Variants in RBFOX1 observed in about 807,000 individuals in gnomAD.
RBFOX1 encodes the protein RNA binding protein fox-1 homolog 1.
A neutral mutation model predicts 57.7 loss-of-function variants in RBFOX1; 8 were observed. The ratio of observed to expected loss-of-function variants is 0.14; its 90% CI spans 0.08 to 0.25. The LOEUF is 0.25. RBFOX1 is among the 10% of genes least tolerant of loss of function. The pLI, the probability that RBFOX1 is intolerant of heterozygous loss-of-function variation, is 1.00. For missense variants in RBFOX1, 611 were observed against 548.5 expected (o/e 1.11, Z -1.14); for synonymous variants, 326 against 222.4 (o/e 1.47, Z -4.15).
chr16:5,567,486 G>T (rs557030410), intron 2 of RBFOX1, among the ~76,000 whole-genome samples: 1 of 152,172 alleles, frequency 6.6e-6, no homozygotes, highest in South Asian at 2.1e-4. Context: ...CATCCAGCGG[G>T]TCACCACCTG....
At chr16:7,454,061 C>T (rs750727744) in intron 4 of RBFOX1, among the ~76,000 whole-genome samples, 6 of 152,142 alleles carry the variant, frequency 3.9e-5, no homozygotes, top group Non-Finnish European at 8.8e-5. Context: ...GGTGAAACCC[C>T]GTCTCTACTA....
intron 4 of RBFOX1, among the ~76,000 whole-genome samples, chr16:7,353,237 A>G (rs1490796164): frequency 6.6e-6 from 1 of 152,202 alleles, no homozygotes; most frequent in Non-Finnish European, 1.5e-5. Context: ...ATCACTAGCC[A>G]TAAATAAATG....
intron 4 of RBFOX1, among the ~76,000 whole-genome samples, chr16:7,310,122 C>A (rs117186704): frequency 0.012 from 1,781 of 152,294 alleles, 17 homozygotes; most frequent in Non-Finnish European, 0.02. Flanking sequence ...CCCAGAAGAG[C>A]CCTGGCCCTG....
chr16:5,727,917 C>T (rs1596994020), intron 3 of RBFOX1, among the ~76,000 whole-genome samples: 1 of 152,296 alleles, frequency 6.6e-6, no homozygotes, highest in African/African-American at 2.4e-5. Context: ...CAACTCCTGG[C>T]CTCAAGTGGT....
chr16:7,086,083 G>C (rs1006312010), intron 4 of RBFOX1, among the ~76,000 whole-genome samples: 3 of 152,096 alleles, frequency 2.0e-5, no homozygotes, highest in African/African-American at 7.2e-5. Context: ...GGCATGGCTT[G>C]GTGGTGATTC....
chr16:7,092,090 C>G (rs929591230), intron 4 of RBFOX1, among the ~76,000 whole-genome samples: 4 of 152,198 alleles, frequency 2.6e-5, no homozygotes, highest in Admixed American at 2.6e-4. Context: ...ACTGGTTAAA[C>G]TCTTAAAGAT....
chr16:7,403,327 G>C (rs1331894043), intron 4 of RBFOX1, among the ~76,000 whole-genome samples: 8 of 152,068 alleles, frequency 5.3e-5, no homozygotes, highest in African/African-American at 1.9e-4. Flanking sequence ...TAGACGTCTA[G>C]AATTCAGTCA....
At chr16:7,047,617 A>AT (rs36185357) in intron 3 of RBFOX1, among the ~76,000 whole-genome samples, 170 of 140,956 alleles carry the variant, frequency 1.2e-3, no homozygotes, top group African/African-American at 1.8e-3. Context: ...TTATTTCTTA[A>AT]TTTTTTTTTT....
chr16:6,861,610 C>T (rs1359135280), intron 3 of RBFOX1, among the ~76,000 whole-genome samples: 4 of 150,978 alleles, frequency 2.6e-5, no homozygotes, highest in African/African-American at 9.7e-5. Flanking sequence ...TTCCAGTAAA[C>T]AGCCTCTACA....
At chr16:7,518,989 C>T (rs1289233214) in intron 5 of RBFOX1, among the ~76,000 whole-genome samples, 1 of 152,200 alleles carries the variant, frequency 6.6e-6, no homozygotes, top group African/African-American at 2.4e-5. Context: ...CTCCACTGAA[C>T]TCCAGCCTAG....
intron 4 of RBFOX1, among the ~76,000 whole-genome samples, chr16:5,908,070 G>GTGTGTGTGTGTGTA (rs531475482): frequency 1.1e-4 from 14 of 129,044 alleles, no homozygotes; most frequent in African/African-American, 4.2e-4. Context: ...ATGTGTGTAT[G>GTGTGTGTGTGTGTA]TATATATATA....
intron 4 of RBFOX1, among the ~76,000 whole-genome samples, chr16:7,352,159 A>T (rs2146021307): frequency 6.6e-6 from 1 of 152,306 alleles, no homozygotes. Context: ...TCTCTGCTCC[A>T]GATACAGCCA....
chr16:5,883,014 G>C (rs909179946), intron 4 of RBFOX1, among the ~76,000 whole-genome samples: 2 of 152,150 alleles, frequency 1.3e-5, no homozygotes, highest in African/African-American at 4.8e-5. Context: ...TAATTTAAAT[G>C]ATCCAGACCC....
intron 4 of RBFOX1, among the ~76,000 whole-genome samples, chr16:7,172,957 C>T (rs1215610702): frequency 1.3e-5 from 2 of 152,064 alleles, no homozygotes; most frequent in Admixed American, 1.3e-4. Context: ...AAATTTGCCC[C>T]CTCAGTATGG....
rs2084238484 is a variant in RBFOX1, at chr16:7,713,103, A to C, written c.*2358A>C. On this transcript the variant is annotated 3_prime_UTR_variant, in exon 16 of 16. Transcript: ENST00000550418. ...CAAACATTTTGGATTTTTTTTAAACAGTATTTATTTGGAATGTTTTCATTT... is the reference window on the plus strand; with the variant it reads ...CAAACATTTTGGATTTTTTTTAAACCGTATTTATTTGGAATGTTTTCATTT... 6.6e-6 allele frequency: 1 copy of C among 152,240 alleles called. No homozygotes were observed. The highest frequency in any genetic ancestry group is 1.5e-5 in the Non-Finnish European group (1 of 68,044). The allele number at this position is 152,240 out of a possible 1,614,324, so 9.4% of individuals were successfully genotyped here. A position where few individuals can be genotyped will look rare whatever the true frequency, so the allele number is the denominator to read the frequency against.
chr16:6,840,233 A>G (rs1055144633), intron 3 of RBFOX1, among the ~76,000 whole-genome samples: 3 of 152,174 alleles, frequency 2.0e-5, no homozygotes, highest in Admixed American at 6.5e-5. Context: ...TTCTTTCTTT[A>G]AAGCTTTGTC....
intron 2 of RBFOX1, among the ~76,000 whole-genome samples, chr16:5,477,306 C>G (rs1406993985): frequency 1.3e-5 from 2 of 152,172 alleles, no homozygotes; most frequent in African/African-American, 4.8e-5. Flanking sequence ...TGAAAAGTTG[C>G]ACTCAATGCG....
intron 1 of RBFOX1, among the ~76,000 whole-genome samples, chr16:6,245,591 C>CTAA (rs776488095): frequency 6.6e-6 from 1 of 152,170 alleles, no homozygotes; most frequent in Non-Finnish European, 1.5e-5. Flanking sequence ...CCTCTACACA[C>CTAA]TAATAATAAT....
chr16:7,357,920 G>C (rs2097249613), intron 4 of RBFOX1, among the ~76,000 whole-genome samples: 1 of 152,092 alleles, frequency 6.6e-6, no homozygotes, highest in Non-Finnish European at 1.5e-5. Flanking sequence ...CTGAGGGAAG[G>C]AGTTGCTGTT....
Sources: allele counts gnomAD v4.1 joint callset (sites outside exome capture counted in the v4.1 genomes callset), GRCh38; gene constraint gnomAD v4.1.1; transcripts MANE v1.5; gene names NCBI Gene and HGNC (gene_info 2026-07-23, HGNC 2026-07-21).